Variants in BANP observed in about 807,000 individuals in gnomAD.
BANP encodes BTG3 associated nuclear protein.
A neutral mutation model predicts 68.1 loss-of-function variants in BANP; 11 were observed. The observed-to-expected ratio is 0.16, with a 90% confidence interval of 0.10 to 0.27. The LOEUF (loss-of-function observed/expected upper bound fraction) is 0.27. Ranked by LOEUF, BANP falls within the 10% of genes least tolerant of loss-of-function variation. BANP has a pLI of 1.00. For synonymous variants in BANP, 329 were observed against 303.2 expected, an observed-to-expected ratio of 1.09 and a Z score of -0.88; for missense variants, 504 against 722.7, an observed-to-expected ratio of 0.70 and a Z score of 3.47.
chr16:88,026,027 G>A (rs552347242), intron 7 of BANP, among the ~76,000 whole-genome samples: 6 of 152,320 alleles, frequency 3.9e-5, no homozygotes, highest in African/African-American at 9.6e-5. Context: ...CGTGCAGTGG[G>A]GCGCTGGCTC....
At chr16:88,017,604 G>A (rs1304028748) in intron 6 of BANP, among the ~76,000 whole-genome samples, 1 of 152,248 alleles carries the variant, frequency 6.6e-6, no homozygotes, top group Non-Finnish European at 1.5e-5. Flanking sequence ...GAGAGCCCAC[G>A]CTTGGGAGGG....
chr16:87,957,813 C>T lies in BANP; in HGVS notation c.-69+6298C>T, dbSNP rs1221511683. On this transcript the variant is annotated intron_variant, in intron 1 of 13. Coordinates refer to ENST00000682872, the MANE Select transcript of BANP (RefSeq NM_001386991.1). This position sits in a 1 kb window ranked among gnomAD's most constrained non-coding sequence, Gnocchi z 4.3. ...AGATGACGCGGGGGGAATTGGGCCA[C>T]GGTCCCTGCTGTCATCATGGCATGC... 2.0e-5 allele frequency among the ~76,000 whole-genome samples: 3 copies of T among 152,306 alleles called. No individual in the cohort carries two copies. Among genetic ancestry groups the T allele is most frequent in the South Asian group, 2.1e-4 (1 of 4,828 alleles).
intron 1 of BANP, chr16:87,966,711 T>C (rs964106211): frequency 6.6e-6 from 1 of 152,226 alleles, no homozygotes; most frequent in Middle Eastern, 3.2e-3. Context: ...CTATTTCCAC[T>C]GGCCCCTTAA....
chr16:88,013,829 G>T (rs1432450046), intron 6 of BANP, among the ~76,000 whole-genome samples: 1 of 152,244 alleles, frequency 6.6e-6, no homozygotes, highest in African/African-American at 2.4e-5. Context: ...GCTGGTCTGA[G>T]AACATGCCTG....
chr16:87,982,761 C>T (rs1377086876), intron 3 of BANP: 1 of 152,352 alleles, frequency 6.6e-6, no homozygotes, highest in South Asian at 2.1e-4. Flanking sequence ...AGTTGTTGGG[C>T]AATATGTGGA....
At chr16:88,068,068 C>T (rs1032157473) in intron 12 of BANP, among the ~76,000 whole-genome samples, 2 of 152,232 alleles carry the variant, frequency 1.3e-5, no homozygotes, top group South Asian at 4.1e-4. Context: ...CGTGTGGCCA[C>T]GCACTTCGTT....
At chr16:87,956,214 C>G (rs2058028238) in intron 1 of BANP, among the ~76,000 whole-genome samples, 1 of 152,238 alleles carries the variant, frequency 6.6e-6, no homozygotes, top group South Asian at 2.1e-4. Flanking sequence ...TTGAAAATGA[C>G]TGTAACTCAC....
At chr16:88,049,719 T>TC (rs1188734211) in intron 11 of BANP, among the ~76,000 whole-genome samples, 6 of 152,128 alleles carry the variant, frequency 3.9e-5, no homozygotes, top group Non-Finnish European at 7.4e-5. Context: ...CAGAGGGTTT[T>TC]TCAGGTGGAG....
chr16:88,015,652 T>C (rs2074368962), intron 6 of BANP, among the ~76,000 whole-genome samples: 1 of 152,264 alleles, frequency 6.6e-6, no homozygotes, highest in Non-Finnish European at 1.5e-5. Context: ...CCTGTCTCCC[T>C]GTTCGCTTGC....
At chr16:87,981,642 G>A (rs1011799955) in intron 3 of BANP, among the ~76,000 whole-genome samples, 6 of 152,194 alleles carry the variant, frequency 3.9e-5, no homozygotes, top group African/African-American at 1.4e-4. Flanking sequence ...AGAAGAGTGT[G>A]AGCCATTTTT....
At position 87,957,683 on chromosome 16, in the gene BANP, G is replaced by A. The variant is rs947773102; in HGVS notation, c.-69+6168G>A. The stretch of plus-strand genomic sequence containing the variant: ...GCTTAATCTTTCTGAAAGTAGAAAC[G>A]CGTTTGGATGGAGCCGGGAGGGAGA... On this transcript the variant is annotated intron_variant, in intron 1 of 13. Coordinates refer to ENST00000682872, the MANE Select transcript of BANP (RefSeq NM_001386991.1). This position sits in a 1 kb window ranked among gnomAD's most constrained non-coding sequence, Gnocchi z 4.3. Among the ~76,000 whole-genome samples, 6 of 152,254 alleles carry A rather than the reference G, an allele frequency of 3.9e-5. No homozygotes were observed. The South Asian group carries it at 6.2e-4, about 16-fold the overall frequency.
intron 10 of BANP, 34 bp from the exon 11 acceptor site, chr16:88,037,939 A>C: frequency 6.2e-7 from 1 of 1,607,324 alleles, no homozygotes; most frequent in Non-Finnish European, 8.5e-7. Flanking sequence ...GTGTGTTTCT[A>C]CTCATGACCG....
intron 7 of BANP, among the ~76,000 whole-genome samples, chr16:88,019,422 A>T (rs1409588122): frequency 6.6e-6 from 1 of 151,932 alleles, no homozygotes; most frequent in Non-Finnish European, 1.5e-5. Context: ...GGGAGGGTGC[A>T]GTGGCCTCCG....
intron 1 of BANP, chr16:87,952,753 G>A (rs954194527): frequency 6.6e-6 from 1 of 152,124 alleles, no homozygotes; most frequent in Non-Finnish European, 1.5e-5. Flanking sequence ...TTGCGATGTT[G>A]GATTCTGTCA....
At chr16:88,063,137 C>T (rs1206184286) in intron 11 of BANP, among the ~76,000 whole-genome samples, 3 of 152,214 alleles carry the variant, frequency 2.0e-5, no homozygotes, top group South Asian at 2.1e-4. Context: ...GAGGGCGCAC[C>T]GCGGCCTTCT....
At chr16:88,054,193 A>G (rs1390127244) in intron 11 of BANP, among the ~76,000 whole-genome samples, 21 of 116,784 alleles carry the variant, frequency 1.8e-4, no homozygotes, top group Non-Finnish European at 4.0e-5. Flanking sequence ...CACCAACACA[A>G]CCACCCTAAC....
rs1444089043 is a variant in BANP at position 88,072,210 on chromosome 16, C to G, written c.1519C>G (p.Gln507Glu). The change falls in exon 13 of 14, where the codon CAG becomes GAG. Residue 507 changes from glutamine (Q) to glutamate (E), a missense_variant and splice_region_variant. Physicochemically the swap from Gln to Glu is conservative, Grantham distance 29. Transcript: ENST00000682872. ...APVSDHTAGA[Q>E]TAEALQPTLQ... Reference sequence around the variant, plus strand: ...AGTGAGTGACCACACGGCCGGGGCACAGGTGAGTCTGGGGCCCCGCGCCGG... The same window carrying G: ...AGTGAGTGACCACACGGCCGGGGCAGAGGTGAGTCTGGGGCCCCGCGCCGG... The G allele has an allele frequency of 1.9e-6, 3 of 1,609,208 alleles. No individual in the cohort carries two copies. The highest frequency in any genetic ancestry group is 3.3e-5 in the Admixed American group (2 of 59,878).
At chr16:88,000,147 T>G (rs1167853074) in intron 4 of BANP, among the ~76,000 whole-genome samples, 12 of 22,650 alleles carry the variant, frequency 5.3e-4, no homozygotes, top group African/African-American at 3.0e-3. Flanking sequence ...TGCGCGGCTG[T>G]ACTTACCTGT....
intron 4 of BANP, among the ~76,000 whole-genome samples, chr16:87,993,789 C>CG (rs757592942): frequency 3.3e-5 from 5 of 152,086 alleles, no homozygotes; most frequent in Non-Finnish European, 5.9e-5. Context: ...ATATTACAGA[C>CG]GGGGTTTCAC....
Sources: gnomAD v4.1 joint callset for allele counts (sites outside exome capture counted in the v4.1 genomes callset) on GRCh38, gnomAD v4.1.1 for gene constraint, Gnocchi (gnomAD v3.1) non-coding constraint, MANE v1.5 for transcripts, NCBI Gene and HGNC (gene_info 2026-07-23, HGNC 2026-07-21) for gene names.